Variants in PDE4D observed in about 807,000 individuals in gnomAD.
The protein encoded by PDE4D is 3',5'-cyclic-AMP phosphodiesterase 4D.
In PDE4D, 24 loss-of-function variants were observed where a neutral mutation model predicts 87.4. The ratio of observed to expected loss-of-function variants is 0.27; its 90% CI spans 0.20 to 0.39. The LOEUF (loss-of-function observed/expected upper bound fraction) is 0.39, where lower values mean the gene tolerates loss of function less well. Ranked by LOEUF, PDE4D falls within the 10% of genes least tolerant of loss-of-function variation. PDE4D has a pLI of 1.00. For synonymous variants in PDE4D, 384 were observed against 383.2 expected, an observed-to-expected ratio of 1.00 and a Z score of -0.02; for missense variants, 714 against 1,041.0, an observed-to-expected ratio of 0.69 and a Z score of 4.32.
chr5:60,211,033 G>A (rs1743148223), intron 1 of PDE4D, among the ~76,000 whole-genome samples: 1 of 152,156 alleles, frequency 6.6e-6, no homozygotes, highest in Non-Finnish European at 1.5e-5. Context: ...TGAGGGGCGC[G>A]ACAGGAGCCG....
intron 2 of PDE4D, among the ~76,000 whole-genome samples, chr5:60,049,811 G>A (rs1457478709): frequency 6.6e-6 from 1 of 152,324 alleles, no homozygotes. Flanking sequence ...GGTCACTGCT[G>A]TCTTTTTGTT....
intron 2 of PDE4D, among the ~76,000 whole-genome samples, chr5:59,196,107 A>G (rs1581306781): frequency 6.6e-6 from 1 of 152,238 alleles, no homozygotes; most frequent in Non-Finnish European, 1.5e-5. Flanking sequence ...AAAAAAAGAT[A>G]TGAAAATTTC....
chr5:59,237,051 C>T (rs1756597889), intron 1 of PDE4D, among the ~76,000 whole-genome samples: 2 of 152,134 alleles, frequency 1.3e-5, no homozygotes, highest in African/African-American at 4.8e-5. Flanking sequence ...TTCTCACTCT[C>T]TGGAGTATGT....
At chr5:59,116,974 A>G (rs1250538694) in intron 5 of PDE4D, among the ~76,000 whole-genome samples, 1 of 152,242 alleles carries the variant, frequency 6.6e-6, no homozygotes, top group Non-Finnish European at 1.5e-5. Context: ...AACAGCTGGT[A>G]ATTATTCAAT....
intron 5 of PDE4D, among the ~76,000 whole-genome samples, chr5:59,084,629 G>A (rs1480187136): frequency 6.6e-6 from 1 of 151,982 alleles, no homozygotes; most frequent in Non-Finnish European, 1.5e-5. Context: ...GCTCACACCT[G>A]TAATCCCAGC....
At chr5:60,028,848 C>T (rs374383480) in intron 2 of PDE4D, among the ~76,000 whole-genome samples, 6 of 152,142 alleles carry the variant, frequency 3.9e-5, no homozygotes, top group East Asian at 1.9e-4. Context: ...AATAAATAAA[C>T]CCCTGTTTTG....
intron 1 of PDE4D, among the ~76,000 whole-genome samples, chr5:59,822,991 T>C (rs1476257810): frequency 6.6e-6 from 1 of 152,242 alleles, no homozygotes; most frequent in East Asian, 1.9e-4. Flanking sequence ...AAAAGAGTTA[T>C]ACCCTGGTTT....
At chr5:59,343,208 G>A (rs546906028) in intron 1 of PDE4D, among the ~76,000 whole-genome samples, 21 of 151,826 alleles carry the variant, frequency 1.4e-4, no homozygotes, top group Admixed American at 7.9e-4. Flanking sequence ...TATAATATTT[G>A]GTTTACAATA....
intron 1 of PDE4D, among the ~76,000 whole-genome samples, chr5:60,236,960 G>A (rs1051300496): frequency 6.6e-6 from 1 of 151,944 alleles, no homozygotes; most frequent in Admixed American, 6.6e-5. Context: ...AAGCCACTAA[G>A]TTTACAGTTA....
Position 59,676,096 on chromosome 5 carries a change from TATACAC to T in PDE4D, c.455+217066_455+217071del, listed in dbSNP as rs1486874878. 7.3e-5 allele frequency among the ~76,000 whole-genome samples: 10 copies of T among 137,356 alleles called. No individual in the cohort carries two copies. The East Asian group carries it at 1.0e-3, about 14-fold the overall frequency. The allele number at this position is 137,356 out of a possible 152,430, so 90.1% of individuals were successfully genotyped here. A position where few individuals can be genotyped will look rare whatever the true frequency, so the allele number is the denominator to read the frequency against. ...AGGGATCAAGATATATGTATATGTA[TATACAC>T]ACACACACACACACACATTTAATAA... On this transcript the variant is annotated intron_variant, in intron 1 of 14. Coordinates refer to ENST00000340635, the MANE Select transcript of PDE4D (RefSeq NM_001104631.2).
chr5:60,337,388 T>TATATACACACACACAC (rs66871903), intron 1 of PDE4D, among the ~76,000 whole-genome samples: 1 of 89,476 alleles, frequency 1.1e-5, no homozygotes, highest in Non-Finnish European at 2.2e-5. Context: ...TATATATATA[T>TATATACACACACACAC]ACACACACAC....
intron 1 of PDE4D, among the ~76,000 whole-genome samples, chr5:59,791,029 T>C (rs1765725068): frequency 1.3e-5 from 2 of 152,210 alleles, no homozygotes; most frequent in African/African-American, 4.8e-5. Flanking sequence ...GAATGCGCCT[T>C]GTCCCTGTCT....
chr5:60,495,400 A>AGGATGCT (rs1041702666), intron 1 of PDE4D, among the ~76,000 whole-genome samples: 3 of 152,282 alleles, frequency 2.0e-5, no homozygotes, highest in African/African-American at 7.2e-5. Context: ...CTCCCACTAC[A>AGGATGCT]GGATGCTGAT....
intron 6 of PDE4D, among the ~76,000 whole-genome samples, chr5:59,003,587 GAAAC>G (rs1000396600): frequency 1.2e-4 from 18 of 152,172 alleles, no homozygotes; most frequent in Admixed American, 3.9e-4. Flanking sequence ...CTGAGAAAGA[GAAAC>G]AAAGCTTTCT....
intron 3 of PDE4D, among the ~76,000 whole-genome samples, chr5:59,192,929 T>C (rs1030284343): frequency 6.6e-6 from 1 of 152,234 alleles, no homozygotes; most frequent in Admixed American, 6.5e-5. Context: ...TATTGGTCTA[T>C]ACATAGAACA....
At chr5:60,045,091 T>C (rs1166281926) in intron 2 of PDE4D, among the ~76,000 whole-genome samples, 1 of 152,224 alleles carries the variant, frequency 6.6e-6, no homozygotes, top group African/African-American at 2.4e-5. Context: ...ATTGTGGTTT[T>C]GATTTGCATT....
chr5:59,649,046 C>G (rs1742937929), intron 1 of PDE4D, among the ~76,000 whole-genome samples: 1 of 152,130 alleles, frequency 6.6e-6, no homozygotes, highest in South Asian at 2.1e-4. Flanking sequence ...TACTTAAATT[C>G]TACGATTCTA....
At chr5:60,324,903 G>T (rs1756642019) in intron 1 of PDE4D, among the ~76,000 whole-genome samples, 1 of 152,148 alleles carries the variant, frequency 6.6e-6, no homozygotes, top group Admixed American at 6.6e-5. Context: ...AGAAAAATAT[G>T]ATTTCTAAAG....
intron 1 of PDE4D, among the ~76,000 whole-genome samples, chr5:59,316,427 T>A (rs1773751238): frequency 6.6e-6 from 1 of 152,096 alleles, no homozygotes; most frequent in Admixed American, 6.6e-5. Context: ...CTAGAGCAGG[T>A]GAGTGTTGCT....
Sources: allele counts gnomAD v4.1 joint callset (sites outside exome capture counted in the v4.1 genomes callset), GRCh38; gene constraint gnomAD v4.1.1; transcripts MANE v1.5; gene names NCBI Gene and HGNC (gene_info 2026-07-23, HGNC 2026-07-21).